Variants in OXSR1 observed in about 807,000 individuals in gnomAD.
OXSR1 encodes the protein serine/threonine-protein kinase OSR1.
A neutral mutation model predicts 79.8 loss-of-function variants in OXSR1; 24 were observed. That is an observed-to-expected ratio of 0.30 (90% CI 0.22 to 0.42). The LOEUF (loss-of-function observed/expected upper bound fraction) is 0.42, where lower values mean the gene tolerates loss of function less well. OXSR1 is among the 10% of genes least tolerant of loss of function. OXSR1 has a pLI of 1.00. For missense variants in OXSR1, 430 were observed against 618.4 expected (o/e 0.70, Z 3.23); for synonymous variants, 226 against 209.2 (o/e 1.08, Z -0.69).
At chr3:38,231,307 C>T (rs1000696480) in intron 10 of OXSR1, among the ~76,000 whole-genome samples, 4 of 151,692 alleles carry the variant, frequency 2.6e-5, no homozygotes, top group East Asian at 1.9e-4. Context: ...TATAATGCAT[C>T]GTTACATATC....
intron 5 of OXSR1, 23 bp from the exon 6 acceptor site, chr3:38,221,555 C>G: frequency 1.5e-6 from 2 of 1,301,702 alleles, no homozygotes; most frequent in African/African-American, 1.5e-5. Context: ...CTTTAAATAC[C>G]TTGCTGTTGT....
rs149355587 is a variant in OXSR1 at position 38,254,040 on chromosome 3, A to C, written c.*1149A>C. Reference sequence around the variant, plus strand: ...TCTTTAGGTTTAAAAAAGAGCACTCATAATGCAATATGTGAATAATCAGTG... The same window carrying C: ...TCTTTAGGTTTAAAAAAGAGCACTCCTAATGCAATATGTGAATAATCAGTG... On this transcript the variant is annotated 3_prime_UTR_variant, in exon 18 of 18. Coordinates refer to ENST00000311806, the MANE Select transcript of OXSR1 (RefSeq NM_005109.3). 2.7e-4 allele frequency: 106 copies of C among 396,682 alleles called. 1 individual carries two copies. The East Asian group carries it at 3.7e-3, about 14-fold the overall frequency. The allele number at this position is 396,682 out of a possible 1,614,324, so 24.6% of individuals were successfully genotyped here.
intron 4 of OXSR1, among the ~76,000 whole-genome samples, chr3:38,208,981 T>C (rs1404279461): frequency 6.6e-6 from 1 of 151,340 alleles, no homozygotes; most frequent in Admixed American, 6.6e-5. Context: ...TGTGTGTGTG[T>C]GTGTGCGCGC....
At chr3:38,170,361 A>G (rs981351069) in intron 1 of OXSR1, among the ~76,000 whole-genome samples, 2 of 152,060 alleles carry the variant, frequency 1.3e-5, no homozygotes, top group Admixed American at 6.6e-5. Context: ...CATTTTCTTA[A>G]TGGAGTCTTT....
In OXSR1 at chr3:38,250,329, C is replaced by G. The variant is rs547605209; in HGVS notation, c.1375+311C>G. On this transcript the variant is annotated intron_variant, in intron 15 of 17. Transcript: ENST00000311806. ...AGTCTACTAAGGAAAAATTATTATC[C>G]CCATAGTATCGATGATGAAATCAAG... The G allele has an allele frequency of 5.5e-4, 146 of 267,418 alleles. 2 individuals are homozygous for G. In the South Asian group the frequency reaches 8.6e-3, roughly 16 times the overall value. 16.6% of individuals were successfully genotyped at this position (267,418 alleles called of 1,614,324 possible). A position where few individuals can be genotyped will look rare whatever the true frequency, so the allele number is the denominator to read the frequency against.
At chr3:38,215,981 A>C (rs169195) in intron 4 of OXSR1, 115 bp from the exon 5 acceptor site, 20 of 686,016 alleles carry the variant, frequency 2.9e-5, no homozygotes, top group Middle Eastern at 4.0e-4. Context: ...TTTAATATAA[A>C]ATAGGACATT....
intron 1 of OXSR1, among the ~76,000 whole-genome samples, chr3:38,177,105 A>G (rs1251518532): frequency 6.6e-6 from 1 of 152,224 alleles, no homozygotes; most frequent in Admixed American, 6.5e-5. Context: ...ATATTAGAAG[A>G]TGTCTGTTAT....
At chr3:38,198,960 T>C in intron 4 of OXSR1, 97 bp downstream of exon 4, 1 of 1,012,094 alleles carries the variant, frequency 9.9e-7, no homozygotes, top group Non-Finnish European at 1.5e-6. Flanking sequence ...CATAGCTCTT[T>C]GTATCACTAG....
At position 38,188,577 on chromosome 3, in the gene OXSR1, T is replaced by C. The variant is rs188662859; in HGVS notation, c.184-2154T>C. Among the ~76,000 whole-genome samples, 3 of 152,324 alleles carry C rather than the reference T, an allele frequency of 2.0e-5. No individual in the cohort carries two copies. In the East Asian group the frequency reaches 5.8e-4, roughly 29 times the overall value. ...TTTGTCTCCAGTCTTGTCTTCTTCA[T>C]TGATTTTCTATGTGGTATCCAAGGG... On this transcript the variant is annotated intron_variant, in intron 2 of 17. Coordinates refer to ENST00000311806, the MANE Select transcript of OXSR1 (RefSeq NM_005109.3).
intron 10 of OXSR1, among the ~76,000 whole-genome samples, chr3:38,231,679 C>G (rs1405386860): frequency 2.0e-5 from 3 of 152,072 alleles, no homozygotes; most frequent in Non-Finnish European, 4.4e-5. Flanking sequence ...GTTCCTGACA[C>G]ACAGGATATT....
intron 10 of OXSR1, among the ~76,000 whole-genome samples, chr3:38,233,299 G>A (rs1702848925): frequency 6.6e-6 from 1 of 152,188 alleles, no homozygotes; most frequent in Non-Finnish European, 1.5e-5. Context: ...CCATAGACAA[G>A]ACGTTGAAAA....
intron 12 of OXSR1, among the ~76,000 whole-genome samples, chr3:38,243,445 G>T: frequency 6.6e-6 from 1 of 152,034 alleles, no homozygotes; most frequent in Admixed American, 6.6e-5. Flanking sequence ...TCTATTTTCC[G>T]TGGTTACTGT....
Position 38,191,303 on chromosome 3 carries a change from C to A in OXSR1, c.292+464C>A, listed in dbSNP as rs181857310. On this transcript the variant is annotated intron_variant, in intron 3 of 17. Transcript: ENST00000311806. The stretch of plus-strand genomic sequence containing the variant: ...TCATGTCTTAACTCCTGTCTTCAAG[C>A]GATCCTTCCTACTTGGCCTCCCAAA... 1.6e-4 allele frequency among the ~76,000 whole-genome samples: 24 copies of A among 151,990 alleles called. No homozygotes were observed. The East Asian group carries it at 4.6e-3, about 29-fold the overall frequency.
chr3:38,178,205 C>T (rs917164922), intron 1 of OXSR1, among the ~76,000 whole-genome samples: 1 of 152,202 alleles, frequency 6.6e-6, no homozygotes, highest in Non-Finnish European at 1.5e-5. Flanking sequence ...CCCACCTCGG[C>T]CTCCCAAAGT....
At chr3:38,245,026 A>G (rs1223628071) in intron 12 of OXSR1, among the ~76,000 whole-genome samples, 2 of 152,176 alleles carry the variant, frequency 1.3e-5, no homozygotes, top group Non-Finnish European at 2.9e-5. Flanking sequence ...AGTCTTTTGA[A>G]ATAGTATTAA....
chr3:38,181,114 GTTCTT>G lies in OXSR1; in HGVS notation c.71-1886_71-1882del, dbSNP rs1280458146. The stretch of plus-strand genomic sequence containing the variant: ...TTATCCCACCATTCCCTAAGGCTTT[GTTCTT>G]TTTTTTTTTTTCCCTAGTCTGTTTT... On this transcript the variant is annotated intron_variant, in intron 1 of 17. Transcript: ENST00000311806. Among the ~76,000 whole-genome samples, 11 of 147,782 alleles carry G rather than the reference GTTCTT, an allele frequency of 7.4e-5. No individual in the cohort carries two copies. In the East Asian group the frequency reaches 2.2e-3, roughly 29 times the overall value.
chr3:38,250,677 A>G (rs1703238178), intron 15 of OXSR1, among the ~76,000 whole-genome samples: 1 of 152,190 alleles, frequency 6.6e-6, no homozygotes, highest in Non-Finnish European at 1.5e-5. Context: ...CACTATCATG[A>G]GCAACTAACC....
chr3:38,166,520 T>C (rs1055165055), intron 1 of OXSR1, among the ~76,000 whole-genome samples: 8 of 151,804 alleles, frequency 5.3e-5, no homozygotes, highest in African/African-American at 1.7e-4. Flanking sequence ...GGGCTGGGCG[T>C]GGTGGCTCAC....
chr3:38,252,787 TCA>T (rs1464157896), intron 17 of OXSR1, 28 bp from the exon 18 acceptor site: 3 of 1,565,180 alleles, frequency 1.9e-6, no homozygotes, highest in Non-Finnish European at 1.8e-6. Context: ...TTATAAATAA[TCA>T]CAGTTTCTCA....
Sources: allele counts gnomAD v4.1 joint callset (sites outside exome capture counted in the v4.1 genomes callset), GRCh38; gene constraint gnomAD v4.1.1; transcripts MANE v1.5; gene names NCBI Gene and HGNC (gene_info 2026-07-23, HGNC 2026-07-21).